Variants in STAB2 observed in about 807,000 individuals in gnomAD.
The protein encoded by STAB2 is stabilin 2, also known as stabilin-2.
In STAB2, 288 loss-of-function variants were observed where a neutral mutation model predicts 338.1. That is an observed-to-expected ratio of 0.85 (90% CI 0.77 to 0.94). The LOEUF is 0.94. STAB2 is among the 40% of genes least tolerant of loss of function. STAB2 has a pLI of 0.00. For synonymous variants in STAB2, 1,202 were observed against 1,193.3 expected (o/e 1.01, Z -0.15); for missense variants, 3,141 against 3,210.1 (o/e 0.98, Z 0.52).
At chr12:103,612,590 G>A (rs1957142228) in intron 3 of STAB2, among the ~76,000 whole-genome samples, 1 of 152,084 alleles carries the variant, frequency 6.6e-6, no homozygotes, top group African/African-American at 2.4e-5. Context: ...CATTCATCTA[G>A]TCTTTTTTCA....
At chr12:103,662,602 C>T (rs973201578) in intron 17 of STAB2, among the ~76,000 whole-genome samples, 27 of 152,220 alleles carry the variant, frequency 1.8e-4, no homozygotes, top group African/African-American at 6.5e-4. Context: ...GTACTTAGCC[C>T]TGCACCTGCA....
Position 103,684,863 on chromosome 12 carries a change from A to G in STAB2, c.2902-126A>G, listed in dbSNP as rs1170463064. 108 of 747,902 alleles carry G rather than the reference A, an allele frequency of 1.4e-4. 1 individual carries two copies. Among genetic ancestry groups the G allele is most frequent in the Non-Finnish European group, 2.3e-4 (101 of 439,286 alleles). The allele number at this position is 747,902 out of a possible 1,614,324, so 46.3% of individuals were successfully genotyped here. On this transcript the variant is annotated intron_variant, in intron 26 of 68. Coordinates refer to ENST00000388887, the MANE Select transcript of STAB2 (RefSeq NM_017564.10). The stretch of plus-strand genomic sequence containing the variant: ...TGCAACACTAAAGGGTCTATGGGTT[A>G]CTTCTACCATCTTTCAGCCCCAAAT...
Position 103,727,274 on chromosome 12 carries a change from T to C in STAB2, c.4859T>C (p.Phe1620Ser). The change falls in exon 47 of 69, where the codon TTC (phenylalanine) becomes TCC (serine). Residue 1620 changes from phenylalanine to serine, a missense_variant. Physicochemically the swap from Phe to Ser is radical, Grantham distance 155. Transcript: ENST00000388887. Reference protein sequence around the residue: ...SQYFFQLQEHFVKDLVGPGPF... With the variant: ...SQYFFQLQEHSVKDLVGPGPF... The stretch of plus-strand genomic sequence containing the variant: ...TCACCTTTCTTCCCACAGGAGCATT[T>C]CGTGAAAGATCTGGTCGGCCCAGGC... 2 of 1,614,244 alleles carry C rather than the reference T, an allele frequency of 1.2e-6. No individual in the cohort carries two copies. Among genetic ancestry groups the C allele is most frequent in the Non-Finnish European group, 1.7e-6 (2 of 1,180,030 alleles).
intron 27 of STAB2, 115 bp from the exon 28 acceptor site, chr12:103,688,053 C>A: frequency 4.1e-6 from 4 of 983,962 alleles, no homozygotes; most frequent in South Asian, 1.4e-5. Context: ...ACGAGCCTAG[C>A]CCCAGGAAGG....
At chr12:103,621,471 G>A (rs10861058) in intron 4 of STAB2, among the ~76,000 whole-genome samples, 23,551 of 152,192 alleles carry the variant, frequency 0.15, 2,004 homozygotes, top group South Asian at 0.21. Context: ...GGTGGCTCAC[G>A]CCTGTAATCC....
chr12:103,675,505 T>G (rs886814281), intron 23 of STAB2, among the ~76,000 whole-genome samples: 1 of 152,244 alleles, frequency 6.6e-6, no homozygotes, highest in African/African-American at 2.4e-5. Flanking sequence ...TAATTAGTAT[T>G]GAGCAGGAAG....
At chr12:103,711,978 TC>T (rs1332242279) in intron 40 of STAB2, among the ~76,000 whole-genome samples, 3 of 152,174 alleles carry the variant, frequency 2.0e-5, no homozygotes, top group African/African-American at 4.8e-5. Context: ...CAACGTTGAA[TC>T]CCTCCAAAGC....
chr12:103,753,534 G>A (rs1271942641), intron 61 of STAB2, among the ~76,000 whole-genome samples, 181 bp downstream of exon 61: 1 of 152,194 alleles, frequency 6.6e-6, no homozygotes, highest in Non-Finnish European at 1.5e-5. Context: ...GTCAGGGACT[G>A]TGCAGGGTAC....
At chr12:103,604,906 C>T (rs1468093727) in intron 3 of STAB2, among the ~76,000 whole-genome samples, 1 of 150,864 alleles carries the variant, frequency 6.6e-6, no homozygotes, top group Non-Finnish European at 1.5e-5. Flanking sequence ...ATTTTTCTAA[C>T]TTCTTTACCT....
At chr12:103,683,713 TC>T (rs1877140397) in intron 26 of STAB2, among the ~76,000 whole-genome samples, 1 of 152,198 alleles carries the variant, frequency 6.6e-6, no homozygotes, top group Admixed American at 6.5e-5. Context: ...TAACCGGACT[TC>T]CATTTCGAAT....
chr12:103,632,731 C>A (rs544140718), intron 6 of STAB2, among the ~76,000 whole-genome samples: 8 of 152,300 alleles, frequency 5.3e-5, no homozygotes, highest in Admixed American at 1.3e-4. Flanking sequence ...GCACACTGCA[C>A]CCTGGAGGCA....
chr12:103,765,885 C>T (rs919877805), intron 68 of STAB2: 3 of 356,152 alleles, frequency 8.4e-6, no homozygotes, highest in African/African-American at 2.1e-5. Context: ...CAAGAGCCAC[C>T]ACTGGTTCAA....
chr12:103,638,228 A>G lies in STAB2; in HGVS notation c.906+16A>G, dbSNP rs781413595. 2 of 1,608,100 alleles carry G rather than the reference A, an allele frequency of 1.2e-6. No individual in the cohort carries two copies. The highest frequency in any genetic ancestry group is 1.3e-5 in the African/African-American group (1 of 74,874). ...GCCTGGACAGGTGAGCAAATGATGCAGGGAACTGATGTATCTAGAAGTTTG... is the reference window on the plus strand; with the variant it reads ...GCCTGGACAGGTGAGCAAATGATGCGGGGAACTGATGTATCTAGAAGTTTG... On this transcript the variant is annotated intron_variant, in intron 8 of 68. Transcript: ENST00000388887.
intron 17 of STAB2, among the ~76,000 whole-genome samples, chr12:103,662,165 T>TA (rs891883855): frequency 3.9e-5 from 6 of 152,126 alleles, no homozygotes; most frequent in African/African-American, 1.4e-4. Flanking sequence ...TTGCAATTTT[T>TA]AAAAAATTGC....
At chr12:103,744,750 GACA>G (rs1882877674) in intron 56 of STAB2, among the ~76,000 whole-genome samples, 1 of 152,158 alleles carries the variant, frequency 6.6e-6, no homozygotes. Flanking sequence ...CGGGATTACA[GACA>G]TGAGCCACCA....
intron 51 of STAB2, among the ~76,000 whole-genome samples, chr12:103,734,272 A>AGATCATATAGGAGCAAGCAC (rs1420750003): frequency 7.1e-6 from 1 of 140,954 alleles, no homozygotes; most frequent in African/African-American, 2.7e-5. Context: ...GGAGCAAGCA[A>AGATCATATAGGAGCAAGCAC]GATCATATAG....
intron 25 of STAB2, among the ~76,000 whole-genome samples, chr12:103,678,975 T>G (rs1235308917): frequency 6.6e-6 from 1 of 152,210 alleles, no homozygotes; most frequent in Non-Finnish European, 1.5e-5. Flanking sequence ...TGGACACTTG[T>G]GCAGAGACAG....
chr12:103,692,958 ATTT>A (rs11440653), intron 31 of STAB2, 69 bp downstream of exon 31: 3 of 1,129,772 alleles, frequency 2.7e-6, no homozygotes, highest in African/African-American at 1.6e-5. Context: ...CCTATACAGC[ATTT>A]TTTTTTTTAA....
At chr12:103,698,569 C>T (rs1878597284) in intron 33 of STAB2, among the ~76,000 whole-genome samples, 1 of 152,084 alleles carries the variant, frequency 6.6e-6, no homozygotes, top group Non-Finnish European at 1.5e-5. Context: ...CATTCTTGTC[C>T]CAAGCCAACT....
Sources: gnomAD v4.1 joint callset for allele counts (sites outside exome capture counted in the v4.1 genomes callset) on GRCh38, gnomAD v4.1.1 for gene constraint, MANE v1.5 for transcripts, NCBI Gene and HGNC (gene_info 2026-07-23, HGNC 2026-07-21) for gene names.